The following NCAM1 variants were observed in gnomAD, a reference collection of about 807,000 sequenced individuals.
NCAM1 encodes antigen recognized by monoclonal antibody 5.1H11.
In NCAM1, 14 loss-of-function variants were observed where a neutral mutation model predicts 109.8. The ratio of observed to expected loss-of-function variants is 0.13; its 90% CI spans 0.08 to 0.20. NCAM1 has a LOEUF of 0.20. NCAM1 is among the 10% of genes least tolerant of loss of function. The probability of loss-of-function intolerance (pLI) is 1.00; values close to 1 mark genes in which losing one functional copy is unlikely to be tolerated. For missense variants in NCAM1, 774 were observed against 1,109.9 expected (o/e 0.70, Z 4.30); for synonymous variants, 418 against 442.9 (o/e 0.94, Z 0.70).
intron 1 of NCAM1, among the ~76,000 whole-genome samples, chr11:113,152,010 T>G (rs1942242042): frequency 6.6e-6 from 1 of 152,138 alleles, no homozygotes; most frequent in African/African-American, 2.4e-5. Context: ...TGCATAAAAC[T>G]TGCCTGTGAC....
intron 1 of NCAM1, among the ~76,000 whole-genome samples, chr11:113,084,388 G>C (rs976351282): frequency 2.6e-5 from 4 of 152,106 alleles, no homozygotes; most frequent in Non-Finnish European, 5.9e-5. Flanking sequence ...CTGGGCTCCA[G>C]GTTAAATGAC....
At chr11:113,067,764 A>G (rs1938036686) in intron 1 of NCAM1, among the ~76,000 whole-genome samples, 1 of 152,204 alleles carries the variant, frequency 6.6e-6, no homozygotes, top group Admixed American at 6.5e-5. Flanking sequence ...AAATGATTCC[A>G]TTACAAAGGC....
Position 113,273,920 on chromosome 11 carries a change from G to C in NCAM1, c.2457-1347G>C, listed in dbSNP as rs1418517385. On this transcript the variant is annotated intron_variant, in intron 19 of 19. Coordinates refer to ENST00000316851, the MANE Select transcript of NCAM1 (RefSeq NM_181351.5). This position sits in a 1 kb window ranked among gnomAD's most constrained non-coding sequence, Gnocchi z 6.0. ...CAGAGAGAGCAGGACAGGCAGCTGG[G>C]CCCCAGGAGCAGCCGCCTGCTGGCT... 5.9e-6 allele frequency: 1 copy of C among 168,780 alleles called. No homozygotes were observed. The highest frequency in any genetic ancestry group is 1.8e-4 in the East Asian group (1 of 5,538). The allele number at this position is 168,780 out of a possible 1,614,324, so 10.5% of individuals were successfully genotyped here.
intron 1 of NCAM1, among the ~76,000 whole-genome samples, chr11:112,978,700 T>C (rs782536478): frequency 2.6e-5 from 4 of 151,874 alleles, no homozygotes; most frequent in Non-Finnish European, 4.4e-5. Context: ...ACTGGTTTAA[T>C]ATACTTTACA....
chr11:113,068,188 A>G (rs747335720), intron 1 of NCAM1, among the ~76,000 whole-genome samples: 16 of 152,054 alleles, frequency 1.1e-4, no homozygotes, highest in Admixed American at 2.0e-4. Flanking sequence ...TGGGATTACA[A>G]GCATGAGCCA....
chr11:113,211,705 G>A (rs1944395779), intron 7 of NCAM1, among the ~76,000 whole-genome samples: 1 of 152,220 alleles, frequency 6.6e-6, no homozygotes, highest in Non-Finnish European at 1.5e-5. Context: ...AGGACAAGCA[G>A]TGGCCTGAAA....
intron 1 of NCAM1, among the ~76,000 whole-genome samples, chr11:113,011,916 C>A (rs1267471624): frequency 6.6e-6 from 1 of 151,758 alleles, no homozygotes; most frequent in Non-Finnish European, 1.5e-5. Context: ...AAAAAAATTT[C>A]TTTTCTTTCC....
At chr11:113,117,895 A>T (rs569521988) in intron 1 of NCAM1, among the ~76,000 whole-genome samples, 38 of 152,128 alleles carry the variant, frequency 2.5e-4, no homozygotes, top group Middle Eastern at 3.4e-3. Context: ...TTTTAAATAC[A>T]CAAATTATTA....
At chr11:113,121,979 A>C (rs1369816) in intron 1 of NCAM1, among the ~76,000 whole-genome samples, 117,555 of 152,096 alleles carry the variant, frequency 0.77, 45,632 homozygotes, top group Middle Eastern at 0.9. Flanking sequence ...ATTTTATTAT[A>C]CTGAGGAGAT....
intron 1 of NCAM1, among the ~76,000 whole-genome samples, chr11:113,139,766 A>AG (rs1421213898): frequency 2.6e-5 from 4 of 152,210 alleles, no homozygotes; most frequent in Non-Finnish European, 4.4e-5. Flanking sequence ...CAAAAAAAAA[A>AG]GTCATCAGAA....
chr11:113,027,769 TAAG>T (rs369165120), intron 1 of NCAM1, among the ~76,000 whole-genome samples: 18 of 152,352 alleles, frequency 1.2e-4, no homozygotes, highest in African/African-American at 3.8e-4. Context: ...CTAACTTTTC[TAAG>T]AAGGAGTTTC....
At chr11:113,044,349 T>G (rs1555080441) in intron 1 of NCAM1, among the ~76,000 whole-genome samples, 1 of 150,612 alleles carries the variant, frequency 6.6e-6, no homozygotes, top group East Asian at 2.0e-4. Flanking sequence ...ATTCCTTCTG[T>G]GTGTGACACA....
chr11:113,022,410 C>T (rs1488556583), intron 1 of NCAM1, among the ~76,000 whole-genome samples: 2 of 152,174 alleles, frequency 1.3e-5, no homozygotes, highest in Non-Finnish European at 2.9e-5. Context: ...GATGATGGAT[C>T]ATCCTAAGAT....
intron 1 of NCAM1, among the ~76,000 whole-genome samples, chr11:113,146,654 G>T (rs1555101380): frequency 2.0e-5 from 3 of 152,176 alleles, no homozygotes. Flanking sequence ...TTTGCTTCTA[G>T]TGAATGATTG....
intron 1 of NCAM1, among the ~76,000 whole-genome samples, chr11:113,120,935 C>G (rs115820688): frequency 9.9e-4 from 150 of 152,246 alleles, no homozygotes; most frequent in African/African-American, 3.4e-3. Flanking sequence ...GACCTGAGAA[C>G]AGAGGATGGT....
intron 1 of NCAM1, among the ~76,000 whole-genome samples, chr11:113,172,027 A>G (rs902314013): frequency 6.6e-5 from 10 of 152,158 alleles, no homozygotes; most frequent in Admixed American, 3.9e-4. Context: ...GAAGCCTGGG[A>G]CAGTTACCTG....
chr11:113,179,134 C>A (rs1555107550), intron 1 of NCAM1, among the ~76,000 whole-genome samples: 1 of 152,192 alleles, frequency 6.6e-6, no homozygotes, highest in Admixed American at 6.5e-5. Flanking sequence ...AGGACTCCCC[C>A]ACCACCAAAA....
chr11:113,109,669 T>C (rs1391142845), intron 1 of NCAM1, among the ~76,000 whole-genome samples: 1 of 152,200 alleles, frequency 6.6e-6, no homozygotes, highest in Admixed American at 6.5e-5. Context: ...ATATAAATAA[T>C]GAATCCAAGG....
At chr11:113,175,301 T>C (rs552565359) in intron 1 of NCAM1, among the ~76,000 whole-genome samples, 1 of 152,300 alleles carries the variant, frequency 6.6e-6, no homozygotes, top group African/African-American at 2.4e-5. Flanking sequence ...GGCGGCTGTG[T>C]GTACTGTTTG....
Sources: gnomAD v4.1 joint callset for allele counts (sites outside exome capture counted in the v4.1 genomes callset) on GRCh38, gnomAD v4.1.1 for gene constraint, Gnocchi (gnomAD v3.1) non-coding constraint, MANE v1.5 for transcripts, NCBI Gene and HGNC (gene_info 2026-07-23, HGNC 2026-07-21) for gene names.